Variants in TESPA1 observed in about 807,000 individuals in gnomAD.
The protein encoded by TESPA1 is protein TESPA1.
TESPA1 carries 33 observed loss-of-function variants against 57.9 expected under a neutral mutation model. That is an observed-to-expected ratio of 0.57 (90% confidence interval 0.43 to 0.76). The LOEUF (loss-of-function observed/expected upper bound fraction) is 0.76, where lower values mean the gene tolerates loss of function less well. TESPA1 is among the 30% of genes least tolerant of loss of function. The pLI is 0.00. For synonymous variants in TESPA1, 227 were observed against 228.9 expected (o/e 0.99, Z 0.07); for missense variants, 618 against 632.9 (o/e 0.98, Z 0.25).
In TESPA1 at chr12:54,962,677, A is replaced by C; in HGVS notation, c.1221T>G (p.Ala407=). The change falls in exon 9 of 11, where the codon GCT becomes GCG. Residue 407 remains alanine (A), a synonymous_variant. Transcript: ENST00000449076. ...IEDPQWSTDP[A]QIRRELCSLP... is the part of the protein sequence containing the mutation. ...GACTACACAGCTCTCTCCTTATCTGAGCTGGGTCTGTGCTCCACTGTGGAT... is the reference window on the plus strand; with the variant it reads ...GACTACACAGCTCTCTCCTTATCTGCGCTGGGTCTGTGCTCCACTGTGGAT... 1 of 1,613,636 alleles carries C rather than the reference A, an allele frequency of 6.2e-7. No individual in the cohort carries two copies. Among genetic ancestry groups the C allele is most frequent in the Admixed American group, 1.7e-5 (1 of 59,980 alleles).
rs987639085 is a variant in TESPA1, at chr12:54,967,349, C to T, written c.257-113G>A. 6.7e-5 allele frequency: 80 copies of T among 1,197,870 alleles called. No individual in the cohort carries two copies. In the Admixed American group the frequency reaches 6.7e-4, roughly 10 times the overall value. The allele number at this position is 1,197,870 out of a possible 1,614,324, so 74.2% of individuals were successfully genotyped here. On this transcript the variant is annotated intron_variant, in intron 4 of 10. Transcript: ENST00000449076. ...CACATGCCCTTAGACTAGACTTGCA[C>T]AACCAGATAATCATACTAGATACCC...
chr12:54,969,021 G>GTGTGTATATATATA (rs370590552), intron 3 of TESPA1, among the ~76,000 whole-genome samples: 7 of 83,674 alleles, frequency 8.4e-5, no homozygotes, highest in African/African-American at 3.2e-4. Flanking sequence ...ATTTATATAT[G>GTGTGTATATATATA]TATATATATA....
chr12:54,967,745 C>T, intron 4 of TESPA1, 98 bp downstream of exon 4: 1 of 1,398,416 alleles, frequency 7.2e-7, no homozygotes, highest in Non-Finnish European at 9.9e-7. Flanking sequence ...TTTTGCATGC[C>T]TATGCATGTA....
At chr12:54,961,033 T>C in intron 10 of TESPA1, 135 bp downstream of exon 10, 1 of 995,514 alleles carries the variant, frequency 1.0e-6, no homozygotes, top group Non-Finnish European at 1.5e-6. Context: ...TTAAAATAAT[T>C]AGTCATTGGT....
chr12:54,950,947 C>T (rs1011381539), intron 10 of TESPA1, among the ~76,000 whole-genome samples: 1 of 139,644 alleles, frequency 7.2e-6, no homozygotes, highest in Non-Finnish European at 1.5e-5. Flanking sequence ...AATTTTTTTC[C>T]ATTTTTTTTT....
In TESPA1 at chr12:54,962,587, T is replaced by C. The variant is rs1296232751; in HGVS notation, c.1311A>G (p.Arg437=). Residue 437 remains arginine, a synonymous_variant, in exon 9 of 11, where the codon AGA becomes AGG. Transcript: ENST00000449076. ...TCTTCTGGAAGAGGCTCTTTCTTGCTCTGCTCTTTCTTTTCCAGAAAGTCT... is the reference window on the plus strand; with the variant it reads ...TCTTCTGGAAGAGGCTCTTTCTTGCCCTGCTCTTTCTTTTCCAGAAAGTCT... The part of the protein sequence containing the change: ...KDETFWKRKS[R]ARKSLFQKNL... The C allele has an allele frequency of 6.2e-7, 1 of 1,613,976 alleles. No homozygotes were observed. The highest frequency in any genetic ancestry group is 8.5e-7 in the Non-Finnish European group (1 of 1,179,890).
chr12:54,962,621 G>A lies in TESPA1; in HGVS notation c.1277C>T (p.Ala426Val). The A allele has an allele frequency of 1.9e-6, 3 of 1,613,928 alleles. No individual in the cohort carries two copies. In the South Asian group the frequency reaches 3.3e-5, roughly 18 times the overall value. The change falls in exon 9 of 11, where the codon GCC (alanine) becomes GTC (valine). Residue 426 changes from alanine to valine, a missense_variant. Ala to Val is a moderately conservative substitution (Grantham distance 64). Around this residue, in one of 3 missense-constraint regions of TESPA1, gnomAD observed 409 missense variants for 420.1 expected, o/e 0.97. Transcript: ENST00000449076. Reference sequence around the variant, plus strand: ...TCTTTTCCAGAAAGTCTCATCCTTGGCTGGATGGGTTTCCGTATTGGTGGC... The same window carrying A: ...TCTTTTCCAGAAAGTCTCATCCTTGACTGGATGGGTTTCCGTATTGGTGGC... ...LPATNTETHP[A>V]KDETFWKRKS...
chr12:54,963,315 G>C, intron 8 of TESPA1, 73 bp from the exon 9 acceptor site: 2 of 1,383,416 alleles, frequency 1.4e-6, no homozygotes, highest in Non-Finnish European at 9.6e-7. Context: ...CCTTCAGGAG[G>C]CTCCCCAAAG....
Position 54,962,721 on chromosome 12 carries a change from G to A in TESPA1, c.1177C>T (p.His393Tyr). 1.2e-6 allele frequency: 2 copies of A among 1,613,966 alleles called. No individual in the cohort carries two copies. The highest frequency in any genetic ancestry group is 1.7e-6 in the Non-Finnish European group (2 of 1,179,884). ...TGTGGATCTTCTATGGGCAGAGAATGTGTGCAACAGGGTACCTTGGGGTTC... is the reference window on the plus strand; with the variant it reads ...TGTGGATCTTCTATGGGCAGAGAATATGTGCAACAGGGTACCTTGGGGTTC... ...DSNPKVPCCT[H>Y]SLPIEDPQWS... is the part of the protein sequence containing the mutation. Residue 393 changes from histidine (H) to tyrosine (Y), a missense_variant, in exon 9 of 11, where the codon CAT becomes TAT. His to Tyr is a moderately conservative substitution (Grantham distance 83, BLOSUM62 2). Coordinates refer to ENST00000449076, the MANE Select transcript of TESPA1 (RefSeq NM_001136030.3).
chr12:54,980,505 C>T (rs1376143387), intron 1 of TESPA1, among the ~76,000 whole-genome samples: 2 of 152,196 alleles, frequency 1.3e-5, no homozygotes, highest in Non-Finnish European at 2.9e-5. Context: ...GCAATGAGAG[C>T]TGATACCATC....
chr12:54,967,879 C>T lies in TESPA1; in HGVS notation c.220G>A (p.Gly74Arg). 6.2e-7 allele frequency: 1 copy of T among 1,613,664 alleles called. No individual in the cohort carries two copies. The highest frequency in any genetic ancestry group is 8.5e-7 in the Non-Finnish European group (1 of 1,179,712). Residue 74 changes from glycine to arginine, a missense_variant, in exon 4 of 11, where the codon GGA becomes AGA. By Grantham distance (125) the Gly-to-Arg change is moderately radical. Around this residue, in one of 3 missense-constraint regions of TESPA1, gnomAD observed 199 missense variants for 184.0 expected, o/e 1.08. Transcript: ENST00000449076. The part of the protein sequence containing the change: ...WLQDCGYSEE[G>R]FSEEAGQFIY... ...AACTGTCCTGCTTCCTCAGAAAATC[C>T]TTCTTCAGAGTATCTAAACCAAAAA...
chr12:54,961,052 A>T, intron 10 of TESPA1, 116 bp downstream of exon 10: 1 of 1,202,984 alleles, frequency 8.3e-7, no homozygotes, highest in Non-Finnish European at 1.2e-6. Context: ...GTTTCCAATT[A>T]AATCAGAATT....
intron 10 of TESPA1, among the ~76,000 whole-genome samples, chr12:54,960,408 G>A (rs2256890): frequency 0.56 from 85,093 of 152,066 alleles, 25,573 homozygotes; most frequent in Non-Finnish European, 0.68. Context: ...CTGCTTTGAG[G>A]AGGGGAGGGA....
At chr12:54,957,031 A>AT (rs555570233) in intron 10 of TESPA1, among the ~76,000 whole-genome samples, 29 of 152,318 alleles carry the variant, frequency 1.9e-4, no homozygotes, top group African/African-American at 6.5e-4. Flanking sequence ...AGGTTCCAAT[A>AT]TACCAACTTT....
chr12:54,968,641 G>A (rs887896021), intron 3 of TESPA1, among the ~76,000 whole-genome samples: 6 of 152,228 alleles, frequency 3.9e-5, no homozygotes, highest in East Asian at 1.9e-4. Flanking sequence ...CAAATATTAC[G>A]TAAGGGAATT....
chr12:54,970,201 G>T (rs1428534849), intron 3 of TESPA1, among the ~76,000 whole-genome samples: 1 of 152,158 alleles, frequency 6.6e-6, no homozygotes, highest in East Asian at 1.9e-4. Flanking sequence ...GGCTCCCAAA[G>T]TGCTGGGGTT....
intron 3 of TESPA1, among the ~76,000 whole-genome samples, chr12:54,970,781 A>C (rs1000239908): frequency 7.2e-5 from 11 of 152,208 alleles, no homozygotes; most frequent in African/African-American, 1.7e-4. Context: ...CTGTATATGC[A>C]GTTCATAAAC....
At chr12:54,971,426 C>T (rs1951823735) in intron 3 of TESPA1, among the ~76,000 whole-genome samples, 1 of 152,160 alleles carries the variant, frequency 6.6e-6, no homozygotes, top group Admixed American at 6.5e-5. Context: ...TCATTATTGT[C>T]CTTTAGTTTT....
intron 3 of TESPA1, among the ~76,000 whole-genome samples, chr12:54,972,065 A>G (rs1357254273): frequency 6.6e-6 from 1 of 152,220 alleles, no homozygotes; most frequent in East Asian, 1.9e-4. Context: ...AGGCGTCTAC[A>G]GTGAACAGAA....
Sources: allele counts gnomAD v4.1 joint callset (sites outside exome capture counted in the v4.1 genomes callset), GRCh38; gene constraint gnomAD v4.1.1; regional missense constraint gnomAD v4.1.1; transcripts MANE v1.5; gene names NCBI Gene and HGNC (gene_info 2026-07-23, HGNC 2026-07-21).